SLC36A1: variants seen among roughly 807,000 people sequenced by gnomAD.
SLC36A1 encodes the protein proton-coupled amino acid transporter 1.
A neutral mutation model predicts 47.5 loss-of-function variants in SLC36A1; 30 were observed. The ratio of observed to expected loss-of-function variants is 0.63; its 90% CI spans 0.47 to 0.86. The LOEUF (loss-of-function observed/expected upper bound fraction) is 0.86. Ranked by LOEUF, SLC36A1 falls within the 40% of genes least tolerant of loss-of-function variation. SLC36A1 has a pLI of 0.00. For synonymous variants in SLC36A1, 255 were observed against 249.7 expected, an observed-to-expected ratio of 1.02 and a Z score of -0.20; for missense variants, 517 against 606.0, an observed-to-expected ratio of 0.85 and a Z score of 1.54.
chr5:151,539,965 G>A, the SLC36A1 span, among the ~76,000 whole-genome samples: 1 of 152,248 alleles, frequency 6.6e-6, no homozygotes, highest in African/African-American at 2.4e-5. Context: ...CCCAGCAGAT[G>A]TGAGGAGGTG....
At chr5:151,448,899 T>C (rs1438009474) in intron 1 of SLC36A1, among the ~76,000 whole-genome samples, 1 of 152,124 alleles carries the variant, frequency 6.6e-6, no homozygotes, top group Admixed American at 6.5e-5. Context: ...TTGTGCATCT[T>C]TCTAGGCTTG....
At chr5:151,476,102 C>T in intron 8 of SLC36A1, among the ~76,000 whole-genome samples, 1 of 152,276 alleles carries the variant, frequency 6.6e-6, no homozygotes, top group East Asian at 1.9e-4. Context: ...GTTTCTCTCA[C>T]TTGGAGGTTT....
the SLC36A1 span, among the ~76,000 whole-genome samples, chr5:151,503,617 G>A: frequency 6.6e-6 from 1 of 152,026 alleles, no homozygotes; most frequent in Non-Finnish European, 1.5e-5. Flanking sequence ...TTTAGCTGGC[G>A]ACTAAGGGTG....
the SLC36A1 span, among the ~76,000 whole-genome samples, chr5:151,501,278 A>T: frequency 1.3e-5 from 2 of 152,040 alleles, no homozygotes; most frequent in Non-Finnish European, 2.9e-5. Context: ...CTGGGCTTGG[A>T]ATCAAACCTG....
upstream of SLC36A1, among the ~76,000 whole-genome samples, chr5:151,434,276 T>C (rs953501463): frequency 7.2e-5 from 11 of 152,150 alleles, no homozygotes; most frequent in East Asian, 1.9e-3. Flanking sequence ...CAGAAAAAAA[T>C]GTACTGGAAG....
intron 7 of SLC36A1, among the ~76,000 whole-genome samples, chr5:151,468,266 A>AAAAAAAAAAAAAAATATATATATATAT (rs55642458): frequency 1.6e-5 from 1 of 63,830 alleles, no homozygotes; most frequent in African/African-American, 8.8e-5. Context: ...AAAAAAAAAA[A>AAAAAAAAAAAAAAATATATATATATAT]ATATATATAT....
At chr5:151,499,433 A>G in the SLC36A1 span, among the ~76,000 whole-genome samples, 2 of 152,242 alleles carry the variant, frequency 1.3e-5, no homozygotes, top group African/African-American at 4.8e-5. Context: ...TCTATACTGG[A>G]CCAGCTGCGA....
At chr5:151,505,980 G>A in the SLC36A1 span, 1 of 1,573,798 alleles carries the variant, frequency 6.4e-7, no homozygotes, top group Non-Finnish European at 8.6e-7. Context: ...CACGACTGGG[G>A]TTGAGTGGCG....
At chr5:151,364,713 A>G in the SLC36A1 span, among the ~76,000 whole-genome samples, 2 of 152,200 alleles carry the variant, frequency 1.3e-5, no homozygotes, top group African/African-American at 4.8e-5. Flanking sequence ...ATGTGGCTTA[A>G]GCAAAAAGGA....
chr5:151,458,010 G>A (rs181739857), intron 1 of SLC36A1, among the ~76,000 whole-genome samples: 9 of 151,858 alleles, frequency 5.9e-5, no homozygotes, highest in African/African-American at 1.9e-4. Context: ...CACCACGCCC[G>A]GCTAATTTTG....
chr5:151,537,309 G>GT, the SLC36A1 span, among the ~76,000 whole-genome samples: 4 of 72,340 alleles, frequency 5.5e-5, 1 homozygote, highest in South Asian at 3.4e-3. Context: ...AGAGAGGGAA[G>GT]AAAAAGAAAG....
chr5:151,464,443 G>A (rs1254380085), intron 3 of SLC36A1, 71 bp from the exon 4 acceptor site: 14 of 1,321,254 alleles, frequency 1.1e-5, no homozygotes, highest in Admixed American at 6.9e-5. Context: ...TGTGAACTGA[G>A]TATCCATTGG....
chr5:151,543,383 G>A, the SLC36A1 span: 1 of 1,614,122 alleles, frequency 6.2e-7, no homozygotes, highest in Non-Finnish European at 8.5e-7. Flanking sequence ...AACTGTGGGG[G>A]GTTGTCATTT....
At chr5:151,403,087 G>A in the SLC36A1 span, among the ~76,000 whole-genome samples, 1 of 151,656 alleles carries the variant, frequency 6.6e-6, no homozygotes, top group Non-Finnish European at 1.5e-5. Flanking sequence ...AGTTCCTCTA[G>A]GTGCAATGTT....
the SLC36A1 span, among the ~76,000 whole-genome samples, chr5:151,523,048 G>A: frequency 1.3e-5 from 2 of 152,282 alleles, no homozygotes; most frequent in African/African-American, 2.4e-5. Context: ...CCTCAGTGAT[G>A]TTATCACTTC....
the SLC36A1 span, among the ~76,000 whole-genome samples, chr5:151,420,704 C>G: frequency 6.6e-6 from 1 of 152,134 alleles, no homozygotes; most frequent in Non-Finnish European, 1.5e-5. Context: ...AAAGGAATGT[C>G]CCTATACGTA....
the SLC36A1 span, among the ~76,000 whole-genome samples, chr5:151,429,927 C>T: frequency 0.31 from 47,498 of 152,054 alleles, 9,145 homozygotes; most frequent in African/African-American, 0.55. Flanking sequence ...TTCAGAAACC[C>T]ATTCCAAGAT....
intron 10 of SLC36A1, among the ~76,000 whole-genome samples, chr5:151,483,023 C>T (rs752519867): frequency 7.3e-5 from 11 of 151,508 alleles, no homozygotes; most frequent in African/African-American, 1.5e-4. Context: ...GGTGACAGGG[C>T]GAGACTCCAT....
chr5:151,375,713 T>A, the SLC36A1 span, among the ~76,000 whole-genome samples: 2 of 152,186 alleles, frequency 1.3e-5, no homozygotes, highest in Non-Finnish European at 2.9e-5. Flanking sequence ...TTTCACCTCC[T>A]TGGTTAAATA....
Sources: gnomAD v4.1 joint callset for allele counts (sites outside exome capture counted in the v4.1 genomes callset) on GRCh38, gnomAD v4.1.1 for gene constraint, MANE v1.5 for transcripts, NCBI Gene and HGNC (gene_info 2026-07-23, HGNC 2026-07-21) for gene names.